Variants in KCNG1 observed in about 807,000 individuals in gnomAD.
The protein encoded by KCNG1 is voltage-gated potassium channel regulatory subunit KCNG1.
In KCNG1, 17 loss-of-function variants were observed where a neutral mutation model predicts 32.4. That is an observed-to-expected ratio of 0.52 (90% CI 0.36 to 0.79). The LOEUF (loss-of-function observed/expected upper bound fraction) is 0.79, where lower values mean the gene tolerates loss of function less well. Ranked by LOEUF, KCNG1 falls within the 30% of genes least tolerant of loss-of-function variation. The pLI, the probability that KCNG1 is intolerant of heterozygous loss-of-function variation, is 0.00. For missense variants in KCNG1, 441 were observed against 735.2 expected, an observed-to-expected ratio of 0.60 and a Z score of 4.63; for synonymous variants, 358 against 339.9, an observed-to-expected ratio of 1.05 and a Z score of -0.59.
In KCNG1 at chr20:51,009,739, G is replaced by C. The variant is rs765498380; in HGVS notation, c.600C>G (p.Ala200=). ...AGCGCCCCAGGCGGCCCTCGCCCTC[G>C]GCCGGGCCCTCGCTGTCGCGGCCCT... ...DSEGRDSEGP[A]EGEGRLGRCM... is the part of the protein sequence containing the mutation. The change falls in exon 2 of 3, where the codon GCC becomes GCG. Residue 200 remains alanine, a synonymous_variant. Coordinates refer to ENST00000371571, the MANE Select transcript of KCNG1 (RefSeq NM_002237.4). 4.0e-5 allele frequency: 65 copies of C among 1,607,550 alleles called. No homozygotes were observed. Among genetic ancestry groups the C allele is most frequent in the Middle Eastern group, 1.6e-4 (1 of 6,072 alleles).
At position 51,005,018 on chromosome 20, in the gene KCNG1, G is replaced by GC. The variant is rs1987773972; in HGVS notation, c.775-213dup. Reference sequence around the variant, plus strand: ...TGGCCGCTCCTCATCTCTCTCTCCAGCCCCCACCTCAGCCCTGAACTCCAG... The same window carrying GC: ...TGGCCGCTCCTCATCTCTCTCTCCAGCCCCCCACCTCAGCCCTGAACTCCAG... On this transcript the variant is annotated intron_variant, in intron 2 of 2. Transcript: ENST00000371571. This position sits in a 1 kb window ranked among gnomAD's most constrained non-coding sequence, Gnocchi z 4.0. 4.2e-6 allele frequency: 2 copies of GC among 476,910 alleles called. No homozygotes were observed. 29.5% of individuals were successfully genotyped at this position (476,910 alleles called of 1,614,324 possible). A position where few individuals can be genotyped will look rare whatever the true frequency, so the allele number is the denominator to read the frequency against.
At chr20:51,016,039 G>T (rs1988269610) in intron 1 of KCNG1, among the ~76,000 whole-genome samples, 2 of 152,164 alleles carry the variant, frequency 1.3e-5, no homozygotes, top group African/African-American at 4.8e-5. Flanking sequence ...TATTAGCCCA[G>T]CCAGACCCAT....
chr20:51,004,702 C>A lies in KCNG1; in HGVS notation c.879G>T (p.Lys293Asn), dbSNP rs753531025. The A allele has an allele frequency of 1.3e-6, 2 of 1,597,916 alleles. No homozygotes were observed. Among genetic ancestry groups the A allele is most frequent in the Non-Finnish European group, 1.7e-6 (2 of 1,172,460 alleles). ...FLLRLIQAPS[K>N]FAFLRSPLTL... Reference sequence around the variant, plus strand: ...TCAGCGGGCTCCGCAGGAAGGCGAACTTGCTGGGCGCCTGAATGAGCCGCA... The same window carrying A: ...TCAGCGGGCTCCGCAGGAAGGCGAAATTGCTGGGCGCCTGAATGAGCCGCA... Residue 293 changes from lysine (K) to asparagine (N), a missense_variant, in exon 3 of 3, where the codon AAG (lysine) becomes AAT (asparagine). Coordinates refer to ENST00000371571, the MANE Select transcript of KCNG1 (RefSeq NM_002237.4). This position sits in a 1 kb window ranked among gnomAD's most constrained non-coding sequence, Gnocchi z 4.3.
rs536015145 is a variant in KCNG1, at chr20:51,015,954, G to C, written c.-26-5590C>G. ...GGCCATGAATCAAGGAATGCAGGTG[G>C]CCTCCAAAGGCTGGAGGCCAGGAAA... On this transcript the variant is annotated intron_variant, in intron 1 of 2. Transcript: ENST00000371571. The surrounding 1 kb of genome is among the most constrained non-coding windows in gnomAD (Gnocchi z 4.4). 8.5e-5 allele frequency among the ~76,000 whole-genome samples: 13 copies of C among 152,298 alleles called. No individual in the cohort carries two copies. In the South Asian group the frequency reaches 1.5e-3, roughly 17 times the overall value.
intron 1 of KCNG1, among the ~76,000 whole-genome samples, chr20:51,017,772 C>T (rs777327826): frequency 6.6e-5 from 10 of 152,102 alleles, no homozygotes; most frequent in Non-Finnish European, 1.2e-4. Flanking sequence ...GCTGGAGGCA[C>T]AGGAGCTGCT....
chr20:51,020,761 T>C (rs371329907), intron 1 of KCNG1, among the ~76,000 whole-genome samples: 2 of 152,134 alleles, frequency 1.3e-5, no homozygotes, highest in African/African-American at 4.8e-5. Flanking sequence ...AGGTACCTAC[T>C]GCGGCTCCAG....
chr20:51,009,077 GA>G (rs1172359448), intron 2 of KCNG1, among the ~76,000 whole-genome samples: 1 of 152,136 alleles, frequency 6.6e-6, no homozygotes, highest in Non-Finnish European at 1.5e-5. Context: ...ACCATTTGTA[GA>G]CACACATATA....
intron 1 of KCNG1, among the ~76,000 whole-genome samples, chr20:51,020,124 C>G (rs781115325): frequency 1.1e-4 from 16 of 152,206 alleles, no homozygotes; most frequent in African/African-American, 1.9e-4. Context: ...GTCCCTCCCC[C>G]CTATAAAAAA....
At chr20:51,022,730 C>G (rs965683843) in intron 1 of KCNG1, 140 bp downstream of exon 1, 2 of 152,270 alleles carry the variant, frequency 1.3e-5, no homozygotes, top group Admixed American at 6.5e-5. Flanking sequence ...CTGGCCTCCC[C>G]GCAGGCGGGT....
chr20:51,003,917 G>C lies in KCNG1; in HGVS notation c.*122C>G. 1 of 1,081,816 alleles carries C rather than the reference G, an allele frequency of 9.2e-7. No homozygotes were observed. Among genetic ancestry groups the C allele is most frequent in the Non-Finnish European group, 1.3e-6 (1 of 757,952 alleles). 67.0% of individuals were successfully genotyped at this position (1,081,816 alleles called of 1,614,324 possible). ...AGTGAGGGTGTCCTTCCCCGGGTGC[G>C]TGGGAGTCGGTGCTGCGCCAGGACT... On this transcript the variant is annotated 3_prime_UTR_variant, in exon 3 of 3. Coordinates refer to ENST00000371571, the MANE Select transcript of KCNG1 (RefSeq NM_002237.4).
At chr20:51,019,291 T>A (rs1203191983) in intron 1 of KCNG1, among the ~76,000 whole-genome samples, 1 of 152,188 alleles carries the variant, frequency 6.6e-6, no homozygotes, top group Admixed American at 6.5e-5. Flanking sequence ...GTGAGAGAAC[T>A]GCTTGAGTTC....
At chr20:51,016,869 C>T (rs770850118) in intron 1 of KCNG1, among the ~76,000 whole-genome samples, 16 of 152,140 alleles carry the variant, frequency 1.1e-4, no homozygotes, top group African/African-American at 3.4e-4. Context: ...ATCTGATCCC[C>T]GGATCCAATT....
intron 1 of KCNG1, among the ~76,000 whole-genome samples, chr20:51,013,090 T>C (rs902469542): frequency 2.6e-5 from 4 of 151,030 alleles, no homozygotes; most frequent in Non-Finnish European, 4.4e-5. Context: ...GATCATGAGG[T>C]CAGAAGATCG....
intron 2 of KCNG1, among the ~76,000 whole-genome samples, chr20:51,008,360 T>C (rs1326519039): frequency 6.6e-6 from 1 of 152,150 alleles, no homozygotes; most frequent in Admixed American, 6.5e-5. Context: ...AGATGGAGTC[T>C]CACTCTGTCG....
At chr20:51,020,785 C>A (rs559832785) in intron 1 of KCNG1, among the ~76,000 whole-genome samples, 2 of 152,142 alleles carry the variant, frequency 1.3e-5, no homozygotes, top group African/African-American at 4.8e-5. Context: ...GTGAGTTCCT[C>A]GGAGCTGGTT....
rs1601109971 is a variant in KCNG1, at chr20:51,020,251, C to T, written c.-27+2619G>A. On this transcript the variant is annotated intron_variant, in intron 1 of 2. Transcript: ENST00000371571. ...TGTTTGGGGACTGGAGCCAGAAGAT[C>T]CTTTTCTCTTTGCCTCCTTGTAGCT... 2.0e-5 allele frequency among the ~76,000 whole-genome samples: 3 copies of T among 152,308 alleles called. No individual in the cohort carries two copies. In the South Asian group the frequency reaches 6.2e-4, roughly 32 times the overall value.
In KCNG1 at chr20:51,004,770, C is replaced by T; in HGVS notation, c.811G>A (p.Val271Met). 1 of 1,583,638 alleles carries T rather than the reference C, an allele frequency of 6.3e-7. No individual in the cohort carries two copies. Among genetic ancestry groups the T allele is most frequent in the Non-Finnish European group, 8.6e-7 (1 of 1,162,118 alleles). Residue 271 changes from valine to methionine, a missense_variant, in exon 3 of 3, where the codon GTG becomes ATG. Transcript: ENST00000371571. The surrounding 1 kb of genome is among the most constrained non-coding windows in gnomAD (Gnocchi z 4.3). Reference sequence around the variant, plus strand: ...AACCAGCCCACGCACACCGACTCCACGATGAAGACGTTGTGGCACATCTGG... The same window carrying T: ...AACCAGCCCACGCACACCGACTCCATGATGAAGACGTTGTGGCACATCTGG... Reference protein sequence around the residue: ...CSQMCHNVFIVESVCVGWFSL... With the variant: ...CSQMCHNVFIMESVCVGWFSL...
intron 1 of KCNG1, among the ~76,000 whole-genome samples, chr20:51,012,133 A>G (rs1370261661): frequency 6.6e-6 from 1 of 152,206 alleles, no homozygotes; most frequent in Admixed American, 6.5e-5. Context: ...TATTGTTTCC[A>G]TTAATGGAAA....
chr20:51,009,729 C>T lies in KCNG1; in HGVS notation c.610G>A (p.Gly204Ser). The T allele has an allele frequency of 7.5e-6, 12 of 1,606,388 alleles. No homozygotes were observed. Among genetic ancestry groups the T allele is most frequent in the Middle Eastern group, 1.7e-4 (1 of 6,046 alleles). The change falls in exon 2 of 3, where the codon GGC (glycine) becomes AGC (serine). Residue 204 changes from glycine to serine, a missense_variant. Coordinates refer to ENST00000371571, the MANE Select transcript of KCNG1 (RefSeq NM_002237.4). ...RDSEGPAEGE[G>S]RLGRCMRRLR... Reference sequence around the variant, plus strand: ...CGCCGCATGCAGCGCCCCAGGCGGCCCTCGCCCTCGGCCGGGCCCTCGCTG... The same window carrying T: ...CGCCGCATGCAGCGCCCCAGGCGGCTCTCGCCCTCGGCCGGGCCCTCGCTG...
Sources: allele counts gnomAD v4.1 joint callset (sites outside exome capture counted in the v4.1 genomes callset), GRCh38; gene constraint gnomAD v4.1.1; non-coding constraint Gnocchi (gnomAD v3.1); transcripts MANE v1.5; gene names NCBI Gene and HGNC (gene_info 2026-07-23, HGNC 2026-07-21).